Variants in HS6ST3 observed in about 807,000 individuals in gnomAD.
The protein encoded by HS6ST3 is heparan-sulfate 6-O-sulfotransferase 3.
In HS6ST3, 12 loss-of-function variants were observed where a neutral mutation model predicts 36.7. The observed-to-expected ratio is 0.33, with a 90% CI of 0.21 to 0.53. The LOEUF is 0.53. Ranked by LOEUF, HS6ST3 falls within the 20% of genes least tolerant of loss-of-function variation. HS6ST3 has a pLI of 0.95. For synonymous variants in HS6ST3, 240 were observed against 257.5 expected, an observed-to-expected ratio of 0.93 and a Z score of 0.65; for missense variants, 584 against 640.9, an observed-to-expected ratio of 0.91 and a Z score of 0.96.
At chr13:96,682,856 G>T (rs1361416421) in intron 1 of HS6ST3, among the ~76,000 whole-genome samples, 5 of 152,016 alleles carry the variant, frequency 3.3e-5, no homozygotes, top group Admixed American at 1.3e-4. Flanking sequence ...CATCTTATTA[G>T]TGTCACCCGA....
chr13:96,325,052 A>G (rs544867960), intron 1 of HS6ST3, among the ~76,000 whole-genome samples: 18 of 152,302 alleles, frequency 1.2e-4, no homozygotes, highest in Middle Eastern at 6.8e-3. Context: ...AAAAGTTTCC[A>G]CCTATCACTT....
At chr13:96,821,909 T>A (rs1878542887) in intron 1 of HS6ST3, among the ~76,000 whole-genome samples, 1 of 152,224 alleles carries the variant, frequency 6.6e-6, no homozygotes, top group Non-Finnish European at 1.5e-5. Flanking sequence ...ATCAGAGCTG[T>A]CAAATATAGA....
chr13:96,680,623 A>C (rs2056715210), intron 1 of HS6ST3, among the ~76,000 whole-genome samples: 1 of 152,136 alleles, frequency 6.6e-6, no homozygotes, highest in Non-Finnish European at 1.5e-5. Flanking sequence ...CATACTCCTA[A>C]GAGGTTAGAT....
chr13:96,779,194 A>G (rs1188978857), intron 1 of HS6ST3, among the ~76,000 whole-genome samples: 3 of 152,108 alleles, frequency 2.0e-5, no homozygotes, highest in Non-Finnish European at 4.4e-5. Context: ...GGGGAGGGAT[A>G]GAATTAGTAG....
At chr13:96,307,054 C>T (rs1357886675) in intron 1 of HS6ST3, among the ~76,000 whole-genome samples, 1 of 152,032 alleles carries the variant, frequency 6.6e-6, no homozygotes, top group Non-Finnish European at 1.5e-5. Context: ...AGCAGTATGA[C>T]CCCCAGGGGA....
At chr13:96,790,270 T>TACACACACAC (rs56867063) in intron 1 of HS6ST3, among the ~76,000 whole-genome samples, 195 of 144,434 alleles carry the variant, frequency 1.4e-3, no homozygotes, top group East Asian at 5.4e-3. Context: ...AACACACATG[T>TACACACACAC]ACACACACAC....
chr13:96,158,652 C>CAAAAAAAA (rs397954592), intron 1 of HS6ST3, among the ~76,000 whole-genome samples: 4 of 68,896 alleles, frequency 5.8e-5, no homozygotes, highest in African/African-American at 6.4e-5. Flanking sequence ...GACTCCGTCT[C>CAAAAAAAA]AAAAAAAAAA....
rs147088574 is a variant in HS6ST3 at position 96,307,429 on chromosome 13, G to A, written c.707+215860G>A. 1.2e-3 allele frequency among the ~76,000 whole-genome samples: 188 copies of A among 152,120 alleles called. 2 individuals are homozygous for A. Among genetic ancestry groups the A allele is most frequent in the East Asian group, 2.9e-3 (15 of 5,186 alleles). On this transcript the variant is annotated intron_variant, in intron 1 of 1. Transcript: ENST00000376705. The stretch of plus-strand genomic sequence containing the variant: ...ATGATATCTTAATTGTGGACATTTT[G>A]CAACACTATAGGCAGTTTTGATTTT...
intron 1 of HS6ST3, among the ~76,000 whole-genome samples, chr13:96,634,440 T>C (rs2056542205): frequency 6.6e-6 from 1 of 152,158 alleles, no homozygotes; most frequent in Non-Finnish European, 1.5e-5. Context: ...TCAACCTTTG[T>C]CCAACAAATA....
rs1214451722 is a variant in HS6ST3, at chr13:96,090,679, C to T, written c.-184C>T. Among the ~76,000 whole-genome samples, 1 of 147,702 alleles carries T rather than the reference C, an allele frequency of 6.8e-6. No homozygotes were observed. Among genetic ancestry groups the T allele is most frequent in the Non-Finnish European group, 1.5e-5 (1 of 66,518 alleles). ...CCGCCTCCCCCGCCCGGCTCGCAGGCCCCGGCTCCTCAAGCCCCGAGGGCC... is the reference window on the plus strand; with the variant it reads ...CCGCCTCCCCCGCCCGGCTCGCAGGTCCCGGCTCCTCAAGCCCCGAGGGCC... On this transcript the variant is annotated 5_prime_UTR_variant, in exon 1 of 2. Coordinates refer to ENST00000376705, the MANE Select transcript of HS6ST3 (RefSeq NM_153456.4).
intron 1 of HS6ST3, among the ~76,000 whole-genome samples, chr13:96,593,432 G>A (rs1032809812): frequency 6.6e-6 from 1 of 151,368 alleles, no homozygotes; most frequent in Non-Finnish European, 1.5e-5. Flanking sequence ...CTGACCTCAA[G>A]TGATCCACCC....
intron 1 of HS6ST3, among the ~76,000 whole-genome samples, chr13:96,593,350 A>ATTT (rs556750562): frequency 6.9e-6 from 1 of 144,878 alleles, no homozygotes; most frequent in African/African-American, 2.5e-5. Flanking sequence ...CGCCCAGCTA[A>ATTT]TTTTTTTTTT....
chr13:96,559,110 CTATCTATCTATCTATT>C (rs765641753), intron 1 of HS6ST3, among the ~76,000 whole-genome samples: 1 of 147,622 alleles, frequency 6.8e-6, no homozygotes, highest in East Asian at 2.0e-4. Context: ...ATCTATCTAT[CTATCTATCTATCTATT>C]TATTTATTGA....
rs928638921 is a variant in HS6ST3, at chr13:96,201,801, T to C, written c.707+110232T>C. ...AGCACAGTTTCATTACATTTTTCAA[T>C]ATAAAATAGATTTCCATCTATATAG... On this transcript the variant is annotated intron_variant, in intron 1 of 1. Transcript: ENST00000376705. 5.3e-5 allele frequency among the ~76,000 whole-genome samples: 8 copies of C among 152,340 alleles called. No homozygotes were observed. The East Asian group carries it at 1.5e-3, about 29-fold the overall frequency.
chr13:96,593,205 A>G (rs1237903327), intron 1 of HS6ST3, among the ~76,000 whole-genome samples: 1 of 23,360 alleles, frequency 4.3e-5, no homozygotes, highest in African/African-American at 1.6e-4. Flanking sequence ...TTTTTTTGAG[A>G]TGGAGTCTTG....
At chr13:96,551,339 C>T (rs2056218772) in intron 1 of HS6ST3, among the ~76,000 whole-genome samples, 1 of 152,064 alleles carries the variant, frequency 6.6e-6, no homozygotes, top group South Asian at 2.1e-4. Flanking sequence ...GAGTTTTTTT[C>T]TTCTTTCTGA....
At chr13:96,182,545 G>A (rs992108233) in intron 1 of HS6ST3, among the ~76,000 whole-genome samples, 2 of 151,966 alleles carry the variant, frequency 1.3e-5, no homozygotes, top group Non-Finnish European at 2.9e-5. Context: ...TTTTATTTTA[G>A]TTTAATTATA....
intron 1 of HS6ST3, among the ~76,000 whole-genome samples, chr13:96,492,457 G>A (rs1166446961): frequency 6.6e-6 from 1 of 152,176 alleles, no homozygotes; most frequent in Non-Finnish European, 1.5e-5. Context: ...TGGTCCTATA[G>A]TTGGGGGCAT....
At chr13:96,639,145 A>G in intron 1 of HS6ST3, among the ~76,000 whole-genome samples, 1 of 151,972 alleles carries the variant, frequency 6.6e-6, no homozygotes, top group East Asian at 1.9e-4. Flanking sequence ...GTTCTCAACT[A>G]TTATTGTTAG....
Sources: allele counts gnomAD v4.1 joint callset (sites outside exome capture counted in the v4.1 genomes callset), GRCh38; gene constraint gnomAD v4.1.1; transcripts MANE v1.5; gene names NCBI Gene and HGNC (gene_info 2026-07-23, HGNC 2026-07-21).